KIF13B: variants seen among roughly 807,000 people sequenced by gnomAD.
KIF13B encodes kinesin-like protein KIF13B.
In KIF13B, 127 loss-of-function variants were observed where a neutral mutation model predicts 222.0. The ratio of observed to expected loss-of-function variants is 0.57; its 90% CI spans 0.50 to 0.66. The LOEUF (loss-of-function observed/expected upper bound fraction) is 0.66. KIF13B is among the 30% of genes least tolerant of loss of function. KIF13B has a pLI of 0.00. For synonymous variants in KIF13B, 976 were observed against 919.0 expected (o/e 1.06, Z -1.12); for missense variants, 2,173 against 2,379.0 (o/e 0.91, Z 1.80).
chr8:29,226,447 A>G (rs556873553), intron 2 of KIF13B, among the ~76,000 whole-genome samples: 1 of 152,176 alleles, frequency 6.6e-6, no homozygotes, highest in Non-Finnish European at 1.5e-5. Flanking sequence ...TTGTATTTGT[A>G]GCATGGGAGC....
intron 29 of KIF13B, among the ~76,000 whole-genome samples, chr8:29,122,326 C>G (rs1809904696): frequency 6.6e-6 from 1 of 152,066 alleles, no homozygotes; most frequent in Non-Finnish European, 1.5e-5. Context: ...CATCCTAACA[C>G]CAGGAGAACA....
At chr8:29,140,678 C>T (rs1810778340) in intron 19 of KIF13B, 61 bp from the exon 20 acceptor site, 3 of 1,469,982 alleles carry the variant, frequency 2.0e-6, no homozygotes, top group African/African-American at 1.4e-5. Context: ...TGCATTCAAC[C>T]TACTGCTTTT....
Position 29,124,013 on chromosome 8 carries a change from G to C in KIF13B, c.3352+11C>G, listed in dbSNP as rs913099107. The C allele has an allele frequency of 1.9e-6, 3 of 1,539,170 alleles. No homozygotes were observed. The South Asian group carries it at 3.4e-5, about 17-fold the overall frequency. On this transcript the variant is annotated intron_variant, in intron 27 of 39. Coordinates refer to ENST00000524189, the MANE Select transcript of KIF13B (RefSeq NM_015254.4). ...TGCAGGGGAGAAAAATATTCTATTT[G>C]TTTTTCCTACCACGTTTACTGACAA...
chr8:29,220,310 G>A (rs1586943884), intron 2 of KIF13B, among the ~76,000 whole-genome samples: 1 of 152,172 alleles, frequency 6.6e-6, no homozygotes, highest in Admixed American at 6.5e-5. Flanking sequence ...AGCCTTGCCT[G>A]GTACTCTACG....
At position 29,070,484 on chromosome 8, in the gene KIF13B, G is replaced by C. The variant is rs774669789; in HGVS notation, c.*20C>G. ...AAAGGGGCCGGGCACCCCCAGAAAA[G>C]TTCGCCCTAAGGCAGCGGCTCAGCT... On this transcript the variant is annotated 3_prime_UTR_variant, in exon 40 of 40. Coordinates refer to ENST00000524189, the MANE Select transcript of KIF13B (RefSeq NM_015254.4). The surrounding 1 kb of genome is among the most constrained non-coding windows in gnomAD (Gnocchi z 4.1). The C allele has an allele frequency of 2.5e-6, 4 of 1,607,918 alleles. No homozygotes were observed. Among genetic ancestry groups the C allele is most frequent in the Non-Finnish European group, 3.4e-6 (4 of 1,177,690 alleles).
intron 33 of KIF13B, 85 bp from the exon 34 acceptor site, chr8:29,109,596 C>G (rs1005749573): frequency 1.9e-6 from 2 of 1,027,304 alleles, no homozygotes; most frequent in African/African-American, 1.6e-5. Flanking sequence ...ACTTGCAACC[C>G]CCATCTATAC....
intron 36 of KIF13B, among the ~76,000 whole-genome samples, chr8:29,098,609 A>C (rs1165870876): frequency 6.6e-6 from 1 of 151,842 alleles, no homozygotes; most frequent in East Asian, 1.9e-4. Flanking sequence ...TCTCAAAAAA[A>C]AAAAAAAAAA....
intron 10 of KIF13B, among the ~76,000 whole-genome samples, chr8:29,171,786 C>T (rs1455338550): frequency 2.3e-5 from 3 of 132,582 alleles, no homozygotes; most frequent in African/African-American, 8.7e-5. Flanking sequence ...GAGATGGAGT[C>T]TCACTCTGTC....
chr8:29,216,960 C>CAA (rs796159735), intron 2 of KIF13B, among the ~76,000 whole-genome samples: 4 of 126,066 alleles, frequency 3.2e-5, no homozygotes, highest in Non-Finnish European at 3.4e-5. Context: ...ATATTCAGTC[C>CAA]AAAAAAAAAA....
intron 15 of KIF13B, 49 bp from the exon 16 acceptor site, chr8:29,148,816 T>C (rs780498524): frequency 1.0e-5 from 15 of 1,433,164 alleles, no homozygotes; most frequent in Non-Finnish European, 1.3e-5. Context: ...TAGGCACTTA[T>C]TCATGTCATT....
chr8:29,128,041 T>C (rs1810193136), intron 24 of KIF13B, among the ~76,000 whole-genome samples: 1 of 150,310 alleles, frequency 6.7e-6, no homozygotes, highest in African/African-American at 2.4e-5. Context: ...ATATAAAAAA[T>C]CAGTATCAGT....
At chr8:29,221,399 G>A (rs746837860) in intron 2 of KIF13B, among the ~76,000 whole-genome samples, 1 of 149,970 alleles carries the variant, frequency 6.7e-6, no homozygotes, top group Non-Finnish European at 1.5e-5. Context: ...CACCGCACCC[G>A]ACCTGCAGTG....
intron 4 of KIF13B, 138 bp from the exon 5 acceptor site, chr8:29,188,745 C>T: frequency 1.6e-6 from 1 of 620,408 alleles, no homozygotes. Context: ...TTGACGAATG[C>T]TCCCAAAGGC....
chr8:29,071,114 G>A lies in KIF13B; in HGVS notation c.5219-348C>T, dbSNP rs931014231. Among the ~76,000 whole-genome samples the A allele has an allele frequency of 2.0e-5, 3 of 152,200 alleles. No homozygotes were observed. The highest frequency in any genetic ancestry group is 1.9e-4 in the East Asian group (1 of 5,190). ...AAGGCACAACCGGCCCGCCTCGTGC[G>A]GGAACAGACCCTTCTCCATCTGGAC... On this transcript the variant is annotated intron_variant, in intron 39 of 39. Transcript: ENST00000524189. This position sits in a 1 kb window ranked among gnomAD's most constrained non-coding sequence, Gnocchi z 4.9.
At chr8:29,219,540 T>G (rs1431201726) in intron 2 of KIF13B, 1 of 152,174 alleles carries the variant, frequency 6.6e-6, no homozygotes, top group Non-Finnish European at 1.5e-5. Context: ...TTGAATCGCT[T>G]GAGCCCAGGA....
At chr8:29,235,254 GT>G (rs1815457647) in intron 2 of KIF13B, among the ~76,000 whole-genome samples, 1 of 152,188 alleles carries the variant, frequency 6.6e-6, no homozygotes, top group Non-Finnish European at 1.5e-5. Flanking sequence ...AAAGGCTGTG[GT>G]GCTTTGGGAG....
chr8:29,156,897 G>A (rs1811557981), intron 13 of KIF13B, among the ~76,000 whole-genome samples: 1 of 152,016 alleles, frequency 6.6e-6, no homozygotes, highest in Non-Finnish European at 1.5e-5. Flanking sequence ...AATGGAATAA[G>A]CGCCAAAGCT....
chr8:29,148,649 C>G lies in KIF13B; in HGVS notation c.1741G>C (p.Val581Leu). 1.2e-6 allele frequency: 2 copies of G among 1,613,170 alleles called. No homozygotes were observed. Among genetic ancestry groups the G allele is most frequent in the Non-Finnish European group, 1.7e-6 (2 of 1,179,596 alleles). The change falls in exon 16 of 40, where the codon GTG (valine) becomes CTG (leucine). Residue 581 changes from valine (V) to leucine (L), a missense_variant. Coordinates refer to ENST00000524189, the MANE Select transcript of KIF13B (RefSeq NM_015254.4). ...LDVDGDSSSE[V>L]SSEVNFNYEY... is the part of the protein sequence containing the mutation. ...TAATTAAAGTTAACTTCACTGGACA[C>G]CTCGCTGGAGGAGTCTCCGTCTACA...
intron 19 of KIF13B, 81 bp from the exon 20 acceptor site, chr8:29,140,698 C>G: frequency 1.6e-6 from 2 of 1,235,902 alleles, no homozygotes; most frequent in South Asian, 3.0e-5. Context: ...TTGATGCACT[C>G]TAGGTTATTA....
Sources: allele counts gnomAD v4.1 joint callset (sites outside exome capture counted in the v4.1 genomes callset), GRCh38; gene constraint gnomAD v4.1.1; non-coding constraint Gnocchi (gnomAD v3.1); transcripts MANE v1.5; gene names NCBI Gene and HGNC (gene_info 2026-07-23, HGNC 2026-07-21).